The following ANKS1B variants were observed in gnomAD, a reference collection of about 807,000 sequenced individuals.
ANKS1B encodes the protein ankyrin repeat and sterile alpha motif domain containing 1B.
Under a neutral mutation model 148.3 loss-of-function variants are expected in ANKS1B, and 36 were observed. The ratio of observed to expected loss-of-function variants is 0.24; its 90% confidence interval spans 0.19 to 0.32. ANKS1B has a LOEUF of 0.32. Among genes scored for constraint, ANKS1B ranks in the 10% least tolerant of loss-of-function variants. ANKS1B has a pLI of 1.00. For missense variants in ANKS1B, 1,157 were observed against 1,542.6 expected (o/e 0.75, Z 4.19); for synonymous variants, 542 against 560.8 (o/e 0.97, Z 0.47).
chr12:98,964,844 C>G (rs2099876453), intron 17 of ANKS1B, among the ~76,000 whole-genome samples: 1 of 151,558 alleles, frequency 6.6e-6, no homozygotes, highest in Non-Finnish European at 1.5e-5. Flanking sequence ...GACGGTGAGA[C>G]AGTGGGGATG....
At chr12:99,814,497 C>T (rs1272843109) in intron 2 of ANKS1B, among the ~76,000 whole-genome samples, 1 of 151,746 alleles carries the variant, frequency 6.6e-6, no homozygotes, top group Non-Finnish European at 1.5e-5. Context: ...TTATCCAGTT[C>T]ACACGCTTCT....
At chr12:99,898,269 C>G (rs2093459814) in intron 1 of ANKS1B, among the ~76,000 whole-genome samples, 1 of 152,100 alleles carries the variant, frequency 6.6e-6, no homozygotes, top group South Asian at 2.1e-4. Flanking sequence ...CAATATTACT[C>G]AAAAGGCACA....
chr12:99,040,911 C>T (rs1223719994), intron 17 of ANKS1B, among the ~76,000 whole-genome samples: 2 of 152,170 alleles, frequency 1.3e-5, no homozygotes, highest in Non-Finnish European at 2.9e-5. Context: ...GGATCCAAAT[C>T]CCCGCAGTCT....
intron 1 of ANKS1B, among the ~76,000 whole-genome samples, chr12:99,827,481 G>A (rs949190360): frequency 6.6e-6 from 1 of 152,074 alleles, no homozygotes; most frequent in Non-Finnish European, 1.5e-5. Context: ...AAGACTACAG[G>A]TACCAAAATT....
chr12:99,845,998 T>A (rs898334977), intron 1 of ANKS1B, among the ~76,000 whole-genome samples: 1 of 152,164 alleles, frequency 6.6e-6, no homozygotes, highest in Admixed American at 6.5e-5. Context: ...CTTTGTTCCA[T>A]ATATTGCTCT....
intron 9 of ANKS1B, among the ~76,000 whole-genome samples, chr12:99,546,462 A>C (rs1008547124): frequency 1.3e-5 from 2 of 152,150 alleles, no homozygotes; most frequent in African/African-American, 4.8e-5. Flanking sequence ...AGTCCTAATC[A>C]CATGCCAAAC....
chr12:98,873,799 A>G (rs1207917542), intron 17 of ANKS1B, among the ~76,000 whole-genome samples: 6 of 152,252 alleles, frequency 3.9e-5, no homozygotes, highest in Non-Finnish European at 8.8e-5. Flanking sequence ...ACTTGCCAAT[A>G]AACAGAAACA....
intron 16 of ANKS1B, among the ~76,000 whole-genome samples, chr12:99,077,803 C>G (rs1240531808): frequency 6.6e-6 from 1 of 152,136 alleles, no homozygotes; most frequent in Non-Finnish European, 1.5e-5. Context: ...TTTCAAGGTC[C>G]TTAAAATTCA....
At chr12:99,549,312 AT>A (rs1348369401) in intron 9 of ANKS1B, among the ~76,000 whole-genome samples, 1 of 152,162 alleles carries the variant, frequency 6.6e-6, no homozygotes, top group Non-Finnish European at 1.5e-5. Flanking sequence ...CTTTAATCCA[AT>A]TTTCAAAATA....
intron 15 of ANKS1B, among the ~76,000 whole-genome samples, chr12:99,130,279 A>G (rs1219654203): frequency 6.6e-6 from 1 of 152,144 alleles, no homozygotes; most frequent in Non-Finnish European, 1.5e-5. Flanking sequence ...ATATTTAGGA[A>G]CCATTTGGTT....
chr12:98,854,094 C>G (rs1337230519), intron 17 of ANKS1B, among the ~76,000 whole-genome samples: 1 of 152,178 alleles, frequency 6.6e-6, no homozygotes, highest in African/African-American at 2.4e-5. Flanking sequence ...AGGAGAAGAA[C>G]ACAAGTATCA....
chr12:99,107,007 C>T (rs914400845), intron 15 of ANKS1B, among the ~76,000 whole-genome samples: 1 of 151,992 alleles, frequency 6.6e-6, no homozygotes, highest in Admixed American at 6.6e-5. Context: ...GCAATGTTTC[C>T]CCTCCCTACT....
chr12:99,327,494 T>C (rs540747971), intron 12 of ANKS1B, among the ~76,000 whole-genome samples: 205 of 140,720 alleles, frequency 1.5e-3, no homozygotes, highest in Non-Finnish European at 2.4e-3. Flanking sequence ...ATATATTATA[T>C]ATAAAATCTA....
chr12:98,948,003 A>G (rs1173025581), intron 17 of ANKS1B, among the ~76,000 whole-genome samples: 2 of 152,050 alleles, frequency 1.3e-5, no homozygotes, highest in African/African-American at 4.8e-5. Context: ...TTTAGAAATG[A>G]TATATGCTGA....
Position 98,897,208 on chromosome 12 carries a change from G to C in ANKS1B, c.2779-65072C>G, listed in dbSNP as rs577430396. The stretch of plus-strand genomic sequence containing the variant: ...TACTGAAGCCCCATTCAGCAAAATC[G>C]GTTCATACTCTAAATACTGGAATCC... On this transcript the variant is annotated intron_variant, in intron 17 of 26. Transcript: ENST00000683438. Among the ~76,000 whole-genome samples the C allele has an allele frequency of 3.9e-5, 6 of 152,132 alleles. No homozygotes were observed. The East Asian group carries it at 9.7e-4, about 24-fold the overall frequency.
chr12:98,879,138 ATGCC>A, intron 17 of ANKS1B, among the ~76,000 whole-genome samples: 1 of 152,222 alleles, frequency 6.6e-6, no homozygotes. Flanking sequence ...CATTGTGCTT[ATGCC>A]TAACTTTGGT....
chr12:99,821,127 A>T (rs1252295143), intron 2 of ANKS1B, among the ~76,000 whole-genome samples: 3 of 152,040 alleles, frequency 2.0e-5, no homozygotes, highest in Non-Finnish European at 2.9e-5. Flanking sequence ...TGTATCATTC[A>T]ATGTTATCAT....
intron 12 of ANKS1B, among the ~76,000 whole-genome samples, chr12:99,293,095 C>G (rs980017247): frequency 3.3e-5 from 5 of 152,122 alleles, no homozygotes; most frequent in African/African-American, 1.2e-4. Context: ...AGACTTGGAA[C>G]CAACCCCAAT....
chr12:99,945,336 GC>G (rs1404761892), intron 1 of ANKS1B, among the ~76,000 whole-genome samples: 2 of 137,786 alleles, frequency 1.5e-5, no homozygotes, highest in African/African-American at 5.8e-5. Flanking sequence ...AACAAGCTTG[GC>G]GTGTTTGTAA....
Sources: gnomAD v4.1 joint callset for allele counts (sites outside exome capture counted in the v4.1 genomes callset) on GRCh38, gnomAD v4.1.1 for gene constraint, MANE v1.5 for transcripts, NCBI Gene and HGNC (gene_info 2026-07-23, HGNC 2026-07-21) for gene names.